The following SUGCT variants were observed in gnomAD, a reference collection of about 807,000 sequenced individuals.
SUGCT encodes the protein succinyl-CoA:glutarate-CoA transferase, also known as succinyl-CoA:glutarate CoA-transferase.
SUGCT carries 41 observed loss-of-function variants against 55.0 expected under a neutral mutation model. The observed-to-expected ratio is 0.74, with a 90% CI of 0.58 to 0.97. The LOEUF (loss-of-function observed/expected upper bound fraction) is 0.97. Ranked by LOEUF, SUGCT falls within the 50% of genes least tolerant of loss-of-function variation. The probability of loss-of-function intolerance (pLI) is 0.00; values close to 1 mark genes in which losing one functional copy is unlikely to be tolerated. For synonymous variants in SUGCT, 187 were observed against 200.4 expected, an observed-to-expected ratio of 0.93 and a Z score of 0.56; for missense variants, 568 against 547.8, an observed-to-expected ratio of 1.04 and a Z score of -0.37.
chr7:40,955,534 C>T, the SUGCT span, among the ~76,000 whole-genome samples: 1 of 152,240 alleles, frequency 6.6e-6, no homozygotes, highest in East Asian at 1.9e-4. Flanking sequence ...AGATTTTGGG[C>T]TGAGATGATG....
chr7:40,822,602 G>T (rs923343801), intron 13 of SUGCT, among the ~76,000 whole-genome samples: 3 of 152,064 alleles, frequency 2.0e-5, no homozygotes, highest in Non-Finnish European at 4.4e-5. Context: ...CTTCACCCTA[G>T]TTATATTGTA....
chr7:40,940,549 A>T, the SUGCT span, among the ~76,000 whole-genome samples: 3 of 151,968 alleles, frequency 2.0e-5, no homozygotes, highest in African/African-American at 7.3e-5. Context: ...ATCATCTATG[A>T]TTTCTCTCAG....
At chr7:40,299,945 G>A (rs1272774927) in intron 8 of SUGCT, among the ~76,000 whole-genome samples, 2 of 152,150 alleles carry the variant, frequency 1.3e-5, no homozygotes. Context: ...AATTAGAACA[G>A]CCAGTATACT....
At chr7:40,647,117 T>C (rs913562655) in intron 12 of SUGCT, among the ~76,000 whole-genome samples, 2 of 152,196 alleles carry the variant, frequency 1.3e-5, no homozygotes, top group Non-Finnish European at 2.9e-5. Flanking sequence ...ATCAGGGCCC[T>C]CAGCACCTGT....
At chr7:40,523,848 ACTGTGG>A (rs1793675456) in intron 12 of SUGCT, among the ~76,000 whole-genome samples, 1 of 152,134 alleles carries the variant, frequency 6.6e-6, no homozygotes, top group Non-Finnish European at 1.5e-5. Flanking sequence ...GTTTTTAACT[ACTGTGG>A]CTACATAGTA....
At chr7:40,900,456 C>T in the SUGCT span, among the ~76,000 whole-genome samples, 1 of 152,244 alleles carries the variant, frequency 6.6e-6, no homozygotes, top group East Asian at 1.9e-4. Context: ...AGTCATTCAA[C>T]AACTCTTAAA....
chr7:40,740,917 G>T (rs994680085), intron 12 of SUGCT, among the ~76,000 whole-genome samples: 2 of 152,102 alleles, frequency 1.3e-5, no homozygotes, highest in African/African-American at 4.8e-5. Context: ...GAGAAATAAA[G>T]CCATAATTTC....
chr7:40,881,444 G>C, the SUGCT span, among the ~76,000 whole-genome samples: 1 of 152,132 alleles, frequency 6.6e-6, no homozygotes, highest in African/African-American at 2.4e-5. Flanking sequence ...GTCAAGTTGA[G>C]CCCCCTGCCT....
chr7:41,028,550 G>A, the SUGCT span, among the ~76,000 whole-genome samples: 2 of 152,136 alleles, frequency 1.3e-5, no homozygotes, highest in East Asian at 3.9e-4. Context: ...TAGGCTTTAT[G>A]GTATAACCTA....
intron 1 of SUGCT, among the ~76,000 whole-genome samples, chr7:40,180,180 G>A (rs1056557678): frequency 2.2e-4 from 33 of 151,900 alleles, no homozygotes; most frequent in African/African-American, 8.0e-4. Context: ...GTGGAGTGCA[G>A]TGGCTCGATC....
At chr7:40,291,665 A>G (rs965464585) in intron 8 of SUGCT, among the ~76,000 whole-genome samples, 1 of 131,054 alleles carries the variant, frequency 7.6e-6, no homozygotes, top group Admixed American at 7.9e-5. Context: ...TAATAATAAA[A>G]TAAAAAAATA....
chr7:40,899,640 C>A, the SUGCT span, among the ~76,000 whole-genome samples: 1 of 151,924 alleles, frequency 6.6e-6, no homozygotes, highest in Admixed American at 6.6e-5. Flanking sequence ...TTATAAACTT[C>A]CAGGACTCTT....
intron 12 of SUGCT, among the ~76,000 whole-genome samples, chr7:40,554,646 C>T (rs1049155733): frequency 6.6e-6 from 1 of 152,188 alleles, no homozygotes; most frequent in Admixed American, 6.5e-5. Context: ...TTGATATCTA[C>T]AGTCTGCATA....
chr7:40,474,648 G>T (rs1790564477), intron 11 of SUGCT, among the ~76,000 whole-genome samples: 1 of 152,160 alleles, frequency 6.6e-6, no homozygotes, highest in African/African-American at 2.4e-5. Flanking sequence ...TTGGTCAGGG[G>T]ATGTGGGATG....
At chr7:40,328,576 C>A (rs887024863) in intron 9 of SUGCT, among the ~76,000 whole-genome samples, 4 of 152,122 alleles carry the variant, frequency 2.6e-5, no homozygotes, top group Admixed American at 6.5e-5. Context: ...AGTATTCACA[C>A]CCCATTTCAA....
At chr7:40,367,059 T>A (rs1208308730) in intron 9 of SUGCT, among the ~76,000 whole-genome samples, 3 of 152,046 alleles carry the variant, frequency 2.0e-5, no homozygotes, top group Non-Finnish European at 1.5e-5. Context: ...ATGTGGCACA[T>A]ATACACCATG....
At chr7:40,859,418 T>C (rs909848809) in intron 13 of SUGCT, among the ~76,000 whole-genome samples, 1 of 152,212 alleles carries the variant, frequency 6.6e-6, no homozygotes, top group Non-Finnish European at 1.5e-5. Flanking sequence ...GGGGTTTTCA[T>C]GTCCTCATGG....
chr7:40,473,119 A>G (rs1790484082), intron 11 of SUGCT, among the ~76,000 whole-genome samples: 1 of 152,194 alleles, frequency 6.6e-6, no homozygotes, highest in South Asian at 2.1e-4. Context: ...GGGAGAGTGA[A>G]TGTTCTGATG....
chr7:40,290,500 T>C (rs1308328091), intron 8 of SUGCT, among the ~76,000 whole-genome samples: 1 of 152,096 alleles, frequency 6.6e-6, no homozygotes, highest in Non-Finnish European at 1.5e-5. Flanking sequence ...ATACAAAAAT[T>C]AATTCAAGAT....
Sources: gnomAD v4.1 joint callset for allele counts (sites outside exome capture counted in the v4.1 genomes callset) on GRCh38, gnomAD v4.1.1 for gene constraint, MANE v1.5 for transcripts, NCBI Gene and HGNC (gene_info 2026-07-23, HGNC 2026-07-21) for gene names.